PPP4R3A: variants seen among roughly 807,000 people sequenced by gnomAD.
PPP4R3A encodes serine/threonine-protein phosphatase 4 regulatory subunit 3A.
Under a neutral mutation model 91.7 loss-of-function variants are expected in PPP4R3A, and 15 were observed. That is an observed-to-expected ratio of 0.16 (90% confidence interval 0.11 to 0.25). The LOEUF (loss-of-function observed/expected upper bound fraction) is 0.25. Ranked by LOEUF, PPP4R3A falls within the 10% of genes least tolerant of loss-of-function variation. The pLI is 1.00. For synonymous variants in PPP4R3A, 377 were observed against 348.7 expected (o/e 1.08, Z -0.91); for missense variants, 623 against 998.4 (o/e 0.62, Z 5.07).
chr14:91,466,187 C>T, intron 10 of PPP4R3A: 1 of 974,994 alleles, frequency 1.0e-6, no homozygotes, highest in Non-Finnish European at 1.2e-6. Context: ...TCAACAAAGC[C>T]CTCTTTACCT....
Position 91,510,091 on chromosome 14 carries a change from GGCCAGT to G in PPP4R3A, c.-450_-445del, listed in dbSNP as rs1424164722. 1 of 276,984 alleles carries G rather than the reference GGCCAGT, an allele frequency of 3.6e-6. No individual in the cohort carries two copies. Among genetic ancestry groups the G allele is most frequent in the African/African-American group, 2.3e-5 (1 of 43,618 alleles). The allele number at this position is 276,984 out of a possible 1,614,324, so 17.2% of individuals were successfully genotyped here. ...TCCTTATACCTGGCCCTGCCACCGC[GGCCAGT>G]GGCTCCCTTCCGCTCCCCCTGTTTT... is the stretch of plus-strand genomic sequence containing the variant. On this transcript the variant is annotated 5_prime_UTR_variant, in exon 1 of 15. Coordinates refer to ENST00000554943, the MANE Select transcript of PPP4R3A (RefSeq NM_001366432.2).
At position 91,457,609 on chromosome 14, in the gene PPP4R3A, A is replaced by G. The variant is rs1266912354; in HGVS notation, c.*1150T>C. On this transcript the variant is annotated 3_prime_UTR_variant, in exon 15 of 15. Coordinates refer to ENST00000554943, the MANE Select transcript of PPP4R3A (RefSeq NM_001366432.2). Reference sequence around the variant, plus strand: ...AAAACAAGAAACATACAACTAATACAATTTCTCTTACTCTTCACTTTTCTT... The same window carrying G: ...AAAACAAGAAACATACAACTAATACGATTTCTCTTACTCTTCACTTTTCTT... 2.6e-5 allele frequency: 4 copies of G among 152,564 alleles called. No individual in the cohort carries two copies. Among genetic ancestry groups the G allele is most frequent in the Non-Finnish European group, 4.4e-5 (3 of 68,020 alleles). The allele number at this position is 152,564 out of a possible 1,614,324, so 9.5% of individuals were successfully genotyped here. A position where few individuals can be genotyped will look rare whatever the true frequency, so the allele number is the denominator to read the frequency against.
chr14:91,488,288 C>T (rs1455464322), intron 2 of PPP4R3A, among the ~76,000 whole-genome samples: 1 of 151,978 alleles, frequency 6.6e-6, no homozygotes, highest in Non-Finnish European at 1.5e-5. Flanking sequence ...ATCATGAGAC[C>T]AGTAGTCTCA....
In PPP4R3A at chr14:91,458,648, C is replaced by G; in HGVS notation, c.*111G>C. Reference sequence around the variant, plus strand: ...CAGAAGTCAAGTGTAAGAGGCTGATCTGTGTCAGTCATTCACAAGAGACCA... The same window carrying G: ...CAGAAGTCAAGTGTAAGAGGCTGATGTGTGTCAGTCATTCACAAGAGACCA... On this transcript the variant is annotated 3_prime_UTR_variant, in exon 15 of 15. Transcript: ENST00000554943. 1 of 1,479,976 alleles carries G rather than the reference C, an allele frequency of 6.8e-7. No individual in the cohort carries two copies. Among genetic ancestry groups the G allele is most frequent in the Non-Finnish European group, 9.4e-7 (1 of 1,059,246 alleles). 91.7% of individuals were successfully genotyped at this position (1,479,976 alleles called of 1,614,324 possible).
At chr14:91,468,765 A>T (rs546782291) in intron 10 of PPP4R3A, among the ~76,000 whole-genome samples, 30 of 151,178 alleles carry the variant, frequency 2.0e-4, no homozygotes, top group Admixed American at 1.9e-3. Context: ...TAACATCTTA[A>T]CTATGTATTC....
rs775640436 is a variant in PPP4R3A at position 91,481,944 on chromosome 14, A to C, written c.547T>G (p.Leu183Val). 2 of 1,613,892 alleles carry C rather than the reference A, an allele frequency of 1.2e-6. No homozygotes were observed. Among genetic ancestry groups the C allele is most frequent in the Non-Finnish European group, 1.7e-6 (2 of 1,179,988 alleles). Residue 183 changes from leucine (L) to valine (V), a missense_variant, in exon 4 of 15, where the codon TTG becomes GTG. Physicochemically the swap from Leu to Val is conservative, Grantham distance 32 (BLOSUM62 1). Transcript: ENST00000554943. ...LLELFHVCED[L>V]ENIEGLHHLY... ...TGGTGCAGTCCTTCAATATTTTCCAAATCTTCACACACATGAAAAAGCTCC... is the reference window on the plus strand; with the variant it reads ...TGGTGCAGTCCTTCAATATTTTCCACATCTTCACACACATGAAAAAGCTCC...
At chr14:91,506,465 A>G (rs1239891707) in intron 1 of PPP4R3A, among the ~76,000 whole-genome samples, 1 of 152,194 alleles carries the variant, frequency 6.6e-6, no homozygotes, top group Non-Finnish European at 1.5e-5. Context: ...TATTATCCCT[A>G]TTTAGATGTG....
At chr14:91,480,221 C>T (rs1889472169) in intron 4 of PPP4R3A, among the ~76,000 whole-genome samples, 1 of 152,164 alleles carries the variant, frequency 6.6e-6, no homozygotes, top group Non-Finnish European at 1.5e-5. Context: ...AATCTTACAT[C>T]ATATTAAACA....
At position 91,472,974 on chromosome 14, in the gene PPP4R3A, CA is replaced by C; in HGVS notation, c.1501+58del. On this transcript the variant is annotated intron_variant, in intron 9 of 14. Transcript: ENST00000554943. ...CCTCCTAAAAAGACTGACTTAACAC[CA>C]ACTTTGAATTCAGCATTCAAGAACA... 7 of 1,520,490 alleles carry C rather than the reference CA, an allele frequency of 4.6e-6. No homozygotes were observed. In the South Asian group the frequency reaches 8.2e-5, roughly 18 times the overall value. The allele number at this position is 1,520,490 out of a possible 1,614,324, so 94.2% of individuals were successfully genotyped here. A position where few individuals can be genotyped will look rare whatever the true frequency, so the allele number is the denominator to read the frequency against.
chr14:91,484,926 T>C (rs1889792826), intron 3 of PPP4R3A, among the ~76,000 whole-genome samples: 1 of 152,178 alleles, frequency 6.6e-6, no homozygotes, highest in Admixed American at 6.5e-5. Context: ...ATTATGTCAC[T>C]AGGGAAACTC....
intron 1 of PPP4R3A, among the ~76,000 whole-genome samples, chr14:91,500,677 C>T (rs1890892100): frequency 6.6e-6 from 1 of 152,066 alleles, no homozygotes; most frequent in African/African-American, 2.4e-5. Flanking sequence ...TTAGGAAAAA[C>T]ATTCCAGTAC....
intron 1 of PPP4R3A, among the ~76,000 whole-genome samples, chr14:91,497,162 G>A (rs1036201316): frequency 1.3e-5 from 2 of 152,062 alleles, no homozygotes; most frequent in Non-Finnish European, 2.9e-5. Flanking sequence ...ACATTAAGAG[G>A]GAGGCAGAGA....
At chr14:91,459,020 T>C (rs1411743646) in intron 14 of PPP4R3A, 151 bp from the exon 15 acceptor site, 1 of 843,730 alleles carries the variant, frequency 1.2e-6, no homozygotes, top group Non-Finnish European at 1.7e-6. Flanking sequence ...CAATTCATTA[T>C]GTTTACATAT....
rs57949752 is a variant in PPP4R3A, at chr14:91,472,824, A to ACAACCAAC, written c.1501+201_1501+208dup. ...ATTCTCCAGGTTGCTTTTGATAAAA[A>ACAACCAAC]CAACCAACCAACCAACCAACCAACC... On this transcript the variant is annotated intron_variant, in intron 9 of 14. Coordinates refer to ENST00000554943, the MANE Select transcript of PPP4R3A (RefSeq NM_001366432.2). 3.6e-3 allele frequency among the ~76,000 whole-genome samples: 546 copies of ACAACCAAC among 150,516 alleles called. 3 individuals are homozygous for ACAACCAAC. The highest frequency in any genetic ancestry group is 0.011 in the African/African-American group (439 of 40,878).
intron 1 of PPP4R3A, among the ~76,000 whole-genome samples, chr14:91,503,441 C>A (rs1891083873): frequency 1.3e-5 from 2 of 152,186 alleles, no homozygotes; most frequent in South Asian, 4.1e-4. Flanking sequence ...TTTAACACCA[C>A]ACATGGCTAA....
At chr14:91,499,597 C>T (rs929921518) in intron 1 of PPP4R3A, among the ~76,000 whole-genome samples, 1 of 151,778 alleles carries the variant, frequency 6.6e-6, no homozygotes, top group African/African-American at 2.4e-5. Context: ...CCAAGGCGGG[C>T]GGATCACAAG....
intron 1 of PPP4R3A, among the ~76,000 whole-genome samples, chr14:91,507,548 T>TATAGTTATATATACTATATATTATAC (rs1566660902): frequency 4.7e-5 from 4 of 84,792 alleles, no homozygotes; most frequent in Non-Finnish European, 8.9e-5. Context: ...ATATATTATA[T>TATAGTTATATATACTATATATTATAC]ATAGTTATAT....
intron 1 of PPP4R3A, among the ~76,000 whole-genome samples, chr14:91,505,026 C>T (rs1430603141): frequency 2.6e-5 from 4 of 152,168 alleles, no homozygotes; most frequent in African/African-American, 9.7e-5. Context: ...ATAAAATTCC[C>T]AAACGCTTTG....
chr14:91,504,337 A>AG (rs1555352949), intron 1 of PPP4R3A, among the ~76,000 whole-genome samples: 5 of 150,456 alleles, frequency 3.3e-5, no homozygotes, highest in African/African-American at 9.8e-5. Context: ...AAAAAAAAAA[A>AG]AAAAGAAAAG....
Sources: gnomAD v4.1 joint callset for allele counts (sites outside exome capture counted in the v4.1 genomes callset) on GRCh38, gnomAD v4.1.1 for gene constraint, MANE v1.5 for transcripts, NCBI Gene and HGNC (gene_info 2026-07-23, HGNC 2026-07-21) for gene names.